The following CD8B2 variants were observed in gnomAD, a reference collection of about 807,000 sequenced individuals.
The protein encoded by CD8B2 is T-cell surface glycoprotein CD8 beta-2 chain.
In CD8B2, 11 loss-of-function variants were observed where a neutral mutation model predicts 23.7. The observed-to-expected ratio is 0.46, with a 90% CI of 0.29 to 0.77. The LOEUF (loss-of-function observed/expected upper bound fraction) is 0.77, where lower values mean the gene tolerates loss of function less well. CD8B2 is among the 30% of genes least tolerant of loss of function. The pLI is 0.09. For missense variants in CD8B2, 197 were observed against 270.5 expected (o/e 0.73, Z 1.91); for synonymous variants, 90 against 109.3 (o/e 0.82, Z 1.10).
At position 106,507,218 on chromosome 2, in the gene CD8B2, G is replaced by A. The variant is rs570902701; in HGVS notation, c.*278G>A. ...AGTAAGAAATGCTGCCCATGCCACCGCTTCCGGCTCCTGTGCTTTCCCTGA... is the reference window on the plus strand; with the variant it reads ...AGTAAGAAATGCTGCCCATGCCACCACTTCCGGCTCCTGTGCTTTCCCTGA... On this transcript the variant is annotated 3_prime_UTR_variant, in exon 6 of 6. Transcript: ENST00000643224. The A allele has an allele frequency of 1.5e-5, 19 of 1,245,528 alleles. No individual in the cohort carries two copies. In the East Asian group the frequency reaches 4.5e-4, roughly 30 times the overall value. 77.2% of individuals were successfully genotyped at this position (1,245,528 alleles called of 1,614,324 possible). A position where few individuals can be genotyped will look rare whatever the true frequency, so the allele number is the denominator to read the frequency against.
Position 106,506,780 on chromosome 2 carries a change from G to T in CD8B2, c.621-148G>T, listed in dbSNP as rs546666868. On this transcript the variant is annotated intron_variant, in intron 5 of 5. Transcript: ENST00000643224. The stretch of plus-strand genomic sequence containing the variant: ...ACAATCTTTTTAATGACTAAGATGG[G>T]CCCTAGAAACATACTAACAAAAAAC... 1.6e-5 allele frequency: 14 copies of T among 895,224 alleles called. No individual in the cohort carries two copies. The East Asian group carries it at 2.2e-4, about 14-fold the overall frequency. The allele number at this position is 895,224 out of a possible 1,614,324, so 55.5% of individuals were successfully genotyped here. A position where few individuals can be genotyped will look rare whatever the true frequency, so the allele number is the denominator to read the frequency against.
chr2:106,524,120 A>G (rs1679872402), intron 5 of CD8B2, among the ~76,000 whole-genome samples: 1 of 152,324 alleles, frequency 6.6e-6, no homozygotes, highest in South Asian at 2.1e-4. Context: ...CTTATGATTT[A>G]GCTTCCTGGA....
chr2:106,544,093 T>C, exon 6 of CD8B2: 1 of 398,666 alleles, frequency 2.5e-6, no homozygotes, highest in Non-Finnish European at 4.4e-6. Flanking sequence ...GTGGCCTGTG[T>C]GCAGGCTTAT....
At chr2:106,533,614 C>T (rs1362142460) in intron 5 of CD8B2, among the ~76,000 whole-genome samples, 1 of 152,010 alleles carries the variant, frequency 6.6e-6, no homozygotes, top group African/African-American at 2.4e-5. Context: ...CTCAGCTTGG[C>T]CTGGAGAAGC....
chr2:106,514,077 A>T (rs1001658072), downstream of CD8B2, among the ~76,000 whole-genome samples: 7 of 146,080 alleles, frequency 4.8e-5, no homozygotes, highest in African/African-American at 1.8e-4. Flanking sequence ...AAAGGCTCAC[A>T]GTGGCTCAGA....
intron 1 of CD8B2, among the ~76,000 whole-genome samples, chr2:106,488,804 G>A (rs1679133080): frequency 7.1e-6 from 1 of 140,882 alleles, no homozygotes; most frequent in Non-Finnish European, 1.5e-5. Flanking sequence ...CAATGTATGC[G>A]CCATGCCAGG....
intron 5 of CD8B2, chr2:106,521,661 A>G (rs184874089): frequency 2.0e-5 from 3 of 152,374 alleles, no homozygotes; most frequent in African/African-American, 7.2e-5. Context: ...TGTCTAGGAA[A>G]GAGGTGGTTT....
At chr2:106,494,225 G>A (rs996875259) in intron 2 of CD8B2, among the ~76,000 whole-genome samples, 18 of 150,236 alleles carry the variant, frequency 1.2e-4, no homozygotes, top group African/African-American at 4.4e-4. Flanking sequence ...TTGGCTGACT[G>A]CAACCTCTGC....
At chr2:106,530,122 C>T (rs2104572898) in intron 5 of CD8B2, among the ~76,000 whole-genome samples, 1 of 152,258 alleles carries the variant, frequency 6.6e-6, no homozygotes, top group Middle Eastern at 3.4e-3. Flanking sequence ...GCAGCAGTTA[C>T]CTGAAGTTCA....
At chr2:106,505,303 C>T (rs71419330) in intron 5 of CD8B2, among the ~76,000 whole-genome samples, 26 of 152,264 alleles carry the variant, frequency 1.7e-4, no homozygotes, top group Admixed American at 3.3e-4. Flanking sequence ...TCTAAATTGA[C>T]GAGGGCAACA....
intron 5 of CD8B2, among the ~76,000 whole-genome samples, chr2:106,517,063 C>A (rs947873885): frequency 1.3e-5 from 2 of 148,408 alleles, no homozygotes; most frequent in East Asian, 1.9e-4. Flanking sequence ...ATTATATTAT[C>A]GATTTCATTA....
chr2:106,522,704 A>G (rs1393565416), intron 5 of CD8B2, among the ~76,000 whole-genome samples: 1 of 152,232 alleles, frequency 6.6e-6, no homozygotes, highest in African/African-American at 2.4e-5. Context: ...TGGGACTCAC[A>G]TACTTCACAG....
chr2:106,508,197 G>A lies in CD8B2; in HGVS notation c.*1257G>A, dbSNP rs1679550489. On this transcript the variant is annotated 3_prime_UTR_variant, in exon 6 of 6. Coordinates refer to ENST00000643224, the MANE Select transcript of CD8B2 (RefSeq NM_001349727.2). ...TGCACCATAAAACACTGCAACCTGA[G>A]GCTGCATTAACAGAAGCACCACGTC... is the stretch of plus-strand genomic sequence containing the variant. 6.6e-6 allele frequency: 1 copy of A among 151,794 alleles called. No individual in the cohort carries two copies. Among genetic ancestry groups the A allele is most frequent in the African/African-American group, 2.4e-5 (1 of 41,266 alleles). 9.4% of individuals were successfully genotyped at this position (151,794 alleles called of 1,614,324 possible). A position where few individuals can be genotyped will look rare whatever the true frequency, so the allele number is the denominator to read the frequency against.
Position 106,506,911 on chromosome 2 carries a change from C to G in CD8B2, c.621-17C>G. 3.8e-6 allele frequency: 6 copies of G among 1,576,780 alleles called. No individual in the cohort carries two copies. The South Asian group carries it at 4.7e-5, about 12-fold the overall frequency. ...TGCCTGAAAATAAGTGGTTTCACAA[C>G]TTGCTGTTGTTTTCAGATTTTACAA... On this transcript the variant is annotated splice_polypyrimidine_tract_variant and intron_variant, in intron 5 of 5. Coordinates refer to ENST00000643224, the MANE Select transcript of CD8B2 (RefSeq NM_001349727.2).
chr2:106,491,541 T>A (rs530394633), intron 2 of CD8B2, among the ~76,000 whole-genome samples: 5 of 152,204 alleles, frequency 3.3e-5, no homozygotes, highest in African/African-American at 1.2e-4. Flanking sequence ...TGCTTCTCTT[T>A]TTTATTTATT....
chr2:106,533,569 C>A (rs1002963109), intron 5 of CD8B2, among the ~76,000 whole-genome samples: 3 of 152,080 alleles, frequency 2.0e-5, no homozygotes, highest in Non-Finnish European at 4.4e-5. Context: ...CCTGTCCATC[C>A]CCTCCTTACT....
downstream of CD8B2, among the ~76,000 whole-genome samples, chr2:106,512,167 C>G (rs2104563828): frequency 6.6e-6 from 1 of 152,290 alleles, no homozygotes; most frequent in Non-Finnish European, 1.5e-5. Context: ...GCTCTGTCTC[C>G]CCGGCTCAAG....
intron 3 of CD8B2, among the ~76,000 whole-genome samples, chr2:106,501,433 G>C (rs1558877566): frequency 6.6e-6 from 1 of 152,152 alleles, no homozygotes. Flanking sequence ...TGTAATCCCA[G>C]CACTTTGGGA....
chr2:106,514,434 C>T (rs570651754), downstream of CD8B2, among the ~76,000 whole-genome samples: 5 of 151,730 alleles, frequency 3.3e-5, no homozygotes, highest in Admixed American at 2.6e-4. Flanking sequence ...ATTACAGGTG[C>T]GCGCCATCAT....
Sources: allele counts gnomAD v4.1 joint callset (sites outside exome capture counted in the v4.1 genomes callset), GRCh38; gene constraint gnomAD v4.1.1; transcripts MANE v1.5; gene names NCBI Gene and HGNC (gene_info 2026-07-23, HGNC 2026-07-21).